XRCC6: variants seen among roughly 807,000 people sequenced by gnomAD.
XRCC6 encodes the protein DNA repair protein Ku70.
In XRCC6, 5 loss-of-function variants were observed where a neutral mutation model predicts 65.7. That is an observed-to-expected ratio of 0.08 (90% CI 0.04 to 0.16). XRCC6 has a LOEUF of 0.16. XRCC6 is among the 10% of genes least tolerant of loss of function. XRCC6 has a pLI of 1.00. For missense variants in XRCC6, 447 were observed against 738.1 expected (o/e 0.61, Z 4.57); for synonymous variants, 270 against 270.6 (o/e 1.00, Z 0.02).
chr22:41,637,541 C>G (rs2067822326), intron 5 of XRCC6, 67 bp from the exon 6 acceptor site: 1 of 1,373,944 alleles, frequency 7.3e-7, no homozygotes, highest in African/African-American at 1.5e-5. Context: ...TCAGTTTTAA[C>G]TGAAAGAACT....
At position 41,663,797 on chromosome 22, in the gene XRCC6, C is replaced by T; in HGVS notation, c.1812C>T (p.Thr604=). The T allele has an allele frequency of 6.2e-7, 1 of 1,613,382 alleles. No homozygotes were observed. The highest frequency in any genetic ancestry group is 8.5e-7 in the Non-Finnish European group (1 of 1,179,858). The change falls in exon 13 of 13, where the codon ACC becomes ACT. Residue 604 remains threonine (T), a synonymous_variant. Transcript: ENST00000360079. ...LKKQELLEAL[T]KHFQD The stretch of plus-strand genomic sequence containing the variant: ...AGCAGGAGCTGCTGGAAGCCCTCAC[C>T]AAGCACTTCCAGGACTGACCAGAGG...
chr22:41,649,160 A>ATATATG (rs1376197191), intron 7 of XRCC6, among the ~76,000 whole-genome samples: 125 of 125,840 alleles, frequency 9.9e-4, no homozygotes, highest in African/African-American at 4.4e-3. Flanking sequence ...ATATATATAT[A>ATATATG]TATGTATGTA....
chr22:41,625,503 G>T (rs1210484501), intron 2 of XRCC6, among the ~76,000 whole-genome samples: 1 of 152,200 alleles, frequency 6.6e-6, no homozygotes, highest in African/African-American at 2.4e-5. Context: ...AGTGGCACAT[G>T]CCCGTAATCC....
rs142969538 is a variant in XRCC6, at chr22:41,626,752, C to G, written c.83-1366C>G. On this transcript the variant is annotated intron_variant, in intron 2 of 12. Transcript: ENST00000360079. ...TCCCGGGTTCATGCCATTCCCCTGC[C>G]TCAGCCTCCCGAGTAGCTGGGACTG... Among the ~76,000 whole-genome samples, 49 of 152,158 alleles carry G rather than the reference C, an allele frequency of 3.2e-4. No homozygotes were observed. The East Asian group carries it at 7.1e-3, about 22-fold the overall frequency.
intron 1 of XRCC6, chr22:41,621,745 A>G (rs772159055): frequency 2.1e-4 from 102 of 490,564 alleles, no homozygotes; most frequent in Non-Finnish European, 3.2e-4. Flanking sequence ...GACCTCCGGG[A>G]TCTGGCTTCC....
chr22:41,632,312 A>G (rs1361399727), intron 3 of XRCC6, among the ~76,000 whole-genome samples: 2 of 152,164 alleles, frequency 1.3e-5, no homozygotes, highest in Non-Finnish European at 2.9e-5. Context: ...TAATTTGTGT[A>G]CAAATAGTTC....
chr22:41,634,957 GT>G (rs2067794272), intron 3 of XRCC6, among the ~76,000 whole-genome samples: 1 of 152,168 alleles, frequency 6.6e-6, no homozygotes, highest in South Asian at 2.1e-4. Flanking sequence ...TAGTTAAACA[GT>G]TTTATTTCAA....
At chr22:41,622,161 CTT>C in intron 2 of XRCC6, 75 bp downstream of exon 2, 1 of 1,512,286 alleles carries the variant, frequency 6.6e-7, no homozygotes, top group African/African-American at 1.4e-5. Flanking sequence ...GCTGGATGGA[CTT>C]TGCTGTTTGA....
intron 3 of XRCC6, among the ~76,000 whole-genome samples, chr22:41,634,085 G>A (rs1288037760): frequency 6.6e-6 from 1 of 152,202 alleles, no homozygotes; most frequent in Non-Finnish European, 1.5e-5. Flanking sequence ...TGCATTTAAG[G>A]AGAGAATAGC....
At chr22:41,661,177 G>A (rs2068095671) in intron 11 of XRCC6, among the ~76,000 whole-genome samples, 154 bp from the exon 12 acceptor site, 1 of 152,188 alleles carries the variant, frequency 6.6e-6, no homozygotes, top group Non-Finnish European at 1.5e-5. Context: ...GGTGTTGGAA[G>A]GTACTTGGTA....
At chr22:41,621,707 C>T (rs968269808) in intron 1 of XRCC6, 2 of 428,012 alleles carry the variant, frequency 4.7e-6, no homozygotes, top group African/African-American at 2.0e-5. Flanking sequence ...GCGGGAATCC[C>T]TCACCGTCTA....
Position 41,653,399 on chromosome 22 carries a change from G to A in XRCC6, c.1130-130G>A, listed in dbSNP as rs552833038. ...ATCCTGGGTGACAGAGCGAGACCCC[G>A]TCTCAAATAAATAAATAATAAAATT... On this transcript the variant is annotated intron_variant, in intron 8 of 12. Coordinates refer to ENST00000360079, the MANE Select transcript of XRCC6 (RefSeq NM_001469.5). 74 of 894,344 alleles carry A rather than the reference G, an allele frequency of 8.3e-5. 1 individual carries two copies. The highest frequency in any genetic ancestry group is 2.6e-4 in the South Asian group (12 of 45,780). The allele number at this position is 894,344 out of a possible 1,614,324, so 55.4% of individuals were successfully genotyped here. A position where few individuals can be genotyped will look rare whatever the true frequency, so the allele number is the denominator to read the frequency against.
chr22:41,631,470 C>A (rs941583039), intron 3 of XRCC6, among the ~76,000 whole-genome samples: 3 of 149,794 alleles, frequency 2.0e-5, no homozygotes, highest in Admixed American at 1.3e-4. Flanking sequence ...TGGGCAGAGA[C>A]GCTCCTCACC....
At chr22:41,658,900 C>T (rs2068072565) in intron 11 of XRCC6, among the ~76,000 whole-genome samples, 1 of 152,216 alleles carries the variant, frequency 6.6e-6, no homozygotes, top group Non-Finnish European at 1.5e-5. Context: ...CACTGCACTC[C>T]AGCCTGGTGA....
At chr22:41,641,469 G>A (rs1424129221) in intron 6 of XRCC6, among the ~76,000 whole-genome samples, 1 of 152,042 alleles carries the variant, frequency 6.6e-6, no homozygotes, top group East Asian at 1.9e-4. Context: ...TAAGCAATCT[G>A]ATTATACTCC....
chr22:41,621,973 T>A lies in XRCC6; in HGVS notation c.-15-17T>A. 6.2e-7 allele frequency: 1 copy of A among 1,613,256 alleles called. No homozygotes were observed. The highest frequency in any genetic ancestry group is 8.5e-7 in the Non-Finnish European group (1 of 1,179,162). On this transcript the variant is annotated splice_polypyrimidine_tract_variant and intron_variant, in intron 1 of 12. Transcript: ENST00000360079. ...ATTTAAATTTGCCTGTTACTGACGT[T>A]AACGTCTTTCGCCTAGTGAGCAGTA...
chr22:41,621,817 C>A, intron 1 of XRCC6, 173 bp from the exon 2 acceptor site: 3 of 600,060 alleles, frequency 5.0e-6, no homozygotes, highest in Admixed American at 3.0e-5. Context: ...ACTGGGATGG[C>A]CCCCATGCGC....
intron 2 of XRCC6, among the ~76,000 whole-genome samples, chr22:41,627,101 C>G (rs1476753989): frequency 6.6e-6 from 1 of 152,110 alleles, no homozygotes; most frequent in Non-Finnish European, 1.5e-5. Flanking sequence ...AAAAGGCAAT[C>G]AGCAAAATTC....
chr22:41,626,377 G>A (rs2067673060), intron 2 of XRCC6, among the ~76,000 whole-genome samples: 1 of 152,144 alleles, frequency 6.6e-6, no homozygotes, highest in South Asian at 2.1e-4. Flanking sequence ...TCTTGTCCTC[G>A]TGATCCACAT....
Sources: allele counts gnomAD v4.1 joint callset (sites outside exome capture counted in the v4.1 genomes callset), GRCh38; gene constraint gnomAD v4.1.1; transcripts MANE v1.5; gene names NCBI Gene and HGNC (gene_info 2026-07-23, HGNC 2026-07-21).